Variants in FAT1 observed in about 807,000 individuals in gnomAD.
The protein encoded by FAT1 is FAT atypical cadherin 1.
A neutral mutation model predicts 329.8 loss-of-function variants in FAT1; 171 were observed. The observed-to-expected ratio is 0.52, with a 90% CI of 0.46 to 0.59. The LOEUF (loss-of-function observed/expected upper bound fraction) is 0.59, where lower values mean the gene tolerates loss of function less well. Among genes scored for constraint, FAT1 ranks in the 20% least tolerant of loss-of-function variants. FAT1 has a pLI of 0.00. For synonymous variants in FAT1, 2,233 were observed against 2,228.6 expected (o/e 1.00, Z -0.06); for missense variants, 5,672 against 5,774.4 (o/e 0.98, Z 0.57).
chr4:186,706,401 T>C (rs1744595014), intron 2 of FAT1, among the ~76,000 whole-genome samples, 162 bp downstream of exon 2: 1 of 151,126 alleles, frequency 6.6e-6, no homozygotes, highest in African/African-American at 2.4e-5. Flanking sequence ...AATAAACACA[T>C]CTACAATACA....
At chr4:186,642,903 C>T (rs75348486) in intron 3 of FAT1, among the ~76,000 whole-genome samples, 1,530 of 152,180 alleles carry the variant, frequency 0.01, 24 homozygotes, top group African/African-American at 0.032. Flanking sequence ...CAAAGGCAGA[C>T]GATTTTAAGG....
intron 17 of FAT1, among the ~76,000 whole-genome samples, chr4:186,605,518 A>AGGGGAGTGGGGAGGAGGGAGAGAAGGAG (rs1739081012): frequency 1.2e-5 from 1 of 82,962 alleles, no homozygotes; most frequent in Non-Finnish European, 2.3e-5. Flanking sequence ...AGGAGTGGGG[A>AGGGGAGTGGGGAGGAGGGAGAGAAGGAG]GGGGAGTGGG....
At chr4:186,675,395 A>T (rs992736879) in intron 2 of FAT1, among the ~76,000 whole-genome samples, 23 of 152,020 alleles carry the variant, frequency 1.5e-4, no homozygotes, top group African/African-American at 5.6e-4. Context: ...TGAACCCAGG[A>T]GGCGGAGGTT....
intron 22 of FAT1, chr4:186,598,831 G>A (rs1007643919): frequency 3.9e-5 from 6 of 152,360 alleles, no homozygotes; most frequent in Non-Finnish European, 8.8e-5. Flanking sequence ...GTTCAAAGCA[G>A]TACGAAGAAT....
At chr4:186,663,706 T>A in intron 2 of FAT1, 93 bp from the exon 3 acceptor site, 1 of 961,386 alleles carries the variant, frequency 1.0e-6, no homozygotes, top group Non-Finnish European at 1.5e-6. Context: ...ACTGAGAGCT[T>A]TATATGTCTC....
intron 1 of FAT1, among the ~76,000 whole-genome samples, chr4:186,716,744 A>G (rs571084783): frequency 6.6e-6 from 1 of 152,312 alleles, no homozygotes; most frequent in Non-Finnish European, 1.5e-5. Flanking sequence ...AAGCAGGATC[A>G]TGAAGTTGTC....
In FAT1 at chr4:186,692,304, GTTAT is replaced by G. The variant is rs144146876; in HGVS notation, c.3265+14255_3265+14258del. 1.0e-4 allele frequency among the ~76,000 whole-genome samples: 15 copies of G among 148,292 alleles called. 1 individual carries two copies. The South Asian group carries it at 2.9e-3, about 29-fold the overall frequency. ...TAAGTGGTATTAAAATACATCTTAGGTTATTTATTTATTTATTTATTTTTTTGAG... is the reference window on the plus strand; with the variant it reads ...TAAGTGGTATTAAAATACATCTTAGGTTATTTATTTATTTATTTTTTTGAG... On this transcript the variant is annotated intron_variant, in intron 2 of 26. Transcript: ENST00000441802.
At chr4:186,594,912 C>G (rs888300422) in intron 26 of FAT1, among the ~76,000 whole-genome samples, 1 of 151,556 alleles carries the variant, frequency 6.6e-6, no homozygotes, top group Admixed American at 6.6e-5. Flanking sequence ...AAACGTATTA[C>G]GTTTATACAA....
chr4:186,628,326 TGCAAAGTTGCGTTTTACAGG>T lies in FAT1; in HGVS notation c.4618_4637del (p.Pro1540LysfsTer11). On this transcript the variant is annotated frameshift_variant, in exon 9 of 27. Coordinates refer to ENST00000441802, the MANE Select transcript of FAT1 (RefSeq NM_005245.4). LOFTEE classifies it high-confidence loss of function. The stretch of plus-strand genomic sequence containing the variant: ...TGTCGCTGACATTGACCACAATCCT[TGCAAAGTTGCGTTTTACAGG>T]CACATCTTGATCTCGTACCTAAAAA... The T allele has an allele frequency of 6.2e-7, 1 of 1,613,334 alleles. No homozygotes were observed. The highest frequency in any genetic ancestry group is 8.5e-7 in the Non-Finnish European group (1 of 1,179,592).
chr4:186,597,886 A>C, intron 23 of FAT1, 86 bp downstream of exon 23: 1 of 1,563,832 alleles, frequency 6.4e-7, no homozygotes, highest in South Asian at 1.1e-5. Context: ...TTAGCAAATT[A>C]ACGTGCAGAC....
At chr4:186,645,962 A>AAAAAT (rs58163933) in intron 3 of FAT1, among the ~76,000 whole-genome samples, 2 of 94,524 alleles carry the variant, frequency 2.1e-5, no homozygotes, top group African/African-American at 9.4e-5. Flanking sequence ...AAAAAAAAAA[A>AAAAAT]ATATATACAC....
chr4:186,661,023 G>C (rs903069080), intron 3 of FAT1, among the ~76,000 whole-genome samples: 1 of 152,190 alleles, frequency 6.6e-6, no homozygotes. Flanking sequence ...GAAGACACAA[G>C]AAAATTGAAA....
intron 17 of FAT1, 71 bp from the exon 18 acceptor site, chr4:186,604,645 T>G (rs1194945703): frequency 3.1e-6 from 3 of 969,044 alleles, no homozygotes; most frequent in Non-Finnish European, 4.6e-6. Context: ...GACAGACACA[T>G]GAGTTTTCTA....
intron 26 of FAT1, chr4:186,590,357 G>A (rs1738178773): frequency 1.6e-6 from 2 of 1,287,476 alleles, no homozygotes; most frequent in Non-Finnish European, 2.0e-6. Flanking sequence ...TAACTGGCAT[G>A]CATAAGTCAC....
rs1003774818 is a variant in FAT1, at chr4:186,706,445, T to C, written c.3265+118A>G. On this transcript the variant is annotated intron_variant, in intron 2 of 26. Coordinates refer to ENST00000441802, the MANE Select transcript of FAT1 (RefSeq NM_005245.4). ...GCCAAAAAAAATATTCACACGCACT[T>C]CTATACCGAGCCCAAAGAGCAACAG... The C allele has an allele frequency of 7.2e-6, 8 of 1,109,886 alleles. No individual in the cohort carries two copies. In the African/African-American group the frequency reaches 1.1e-4, roughly 15 times the overall value. 68.8% of individuals were successfully genotyped at this position (1,109,886 alleles called of 1,614,324 possible).
At chr4:186,606,011 G>A (rs2126446485) in intron 17 of FAT1, 59 bp downstream of exon 17, 1 of 1,505,372 alleles carries the variant, frequency 6.6e-7, no homozygotes, top group Non-Finnish European at 9.1e-7. Context: ...AAGCAACAGA[G>A]GCCAATGGAA....
chr4:186,724,078 G>A (rs1745615941), upstream of FAT1, among the ~76,000 whole-genome samples: 1 of 151,548 alleles, frequency 6.6e-6, no homozygotes, highest in Admixed American at 6.6e-5. The surrounding 1 kb of genome is among the most constrained non-coding windows in gnomAD (Gnocchi z 5.3). Context: ...GGCTCCGAGG[G>A]GCAGGGCGAG....
chr4:186,636,064 C>A lies in FAT1; in HGVS notation c.4144G>T (p.Val1382Leu). The part of the protein sequence containing the change: ...PVAHMIGVIS[V>L]EPPGIPLWFD... ...CAAAGGGGTATGCCAGGAGGCTCCA[C>A]AGATATTACTCCAATCATGTGAGCA... Residue 1382 changes from valine to leucine, a missense_variant, in exon 6 of 27, where the codon GTG (valine) becomes TTG (leucine). Physicochemically the swap from Val to Leu is conservative, Grantham distance 32 (BLOSUM62 1). Coordinates refer to ENST00000441802, the MANE Select transcript of FAT1 (RefSeq NM_005245.4). 6.2e-7 allele frequency: 1 copy of A among 1,613,972 alleles called. No homozygotes were observed. Among genetic ancestry groups the A allele is most frequent in the Non-Finnish European group, 8.5e-7 (1 of 1,179,890 alleles).
In FAT1 at chr4:186,654,094, G is replaced by A. The variant is rs535452847; in HGVS notation, c.3580+9205C>T. Among the ~76,000 whole-genome samples the A allele has an allele frequency of 4.6e-4, 70 of 152,326 alleles. 2 individuals are homozygous for A. In the South Asian group the frequency reaches 0.014, roughly 30 times the overall value. ...AAATGCAAAGGCACAGGGACTGGGA[G>A]TGGCACCATGCACTGAGAAGCGGCA... On this transcript the variant is annotated intron_variant, in intron 3 of 26. Transcript: ENST00000441802.
Sources: allele counts gnomAD v4.1 joint callset (sites outside exome capture counted in the v4.1 genomes callset), GRCh38; gene constraint gnomAD v4.1.1; non-coding constraint Gnocchi (gnomAD v3.1); transcripts MANE v1.5; gene names NCBI Gene and HGNC (gene_info 2026-07-23, HGNC 2026-07-21).